FGF14: variants seen among roughly 807,000 people sequenced by gnomAD.
FGF14 encodes the protein fibroblast growth factor 14, also known as fibroblast growth factor homologous factor 4.
In FGF14, 5 loss-of-function variants were observed where a neutral mutation model predicts 25.5. That is an observed-to-expected ratio of 0.20 (90% CI 0.10 to 0.41). The LOEUF (loss-of-function observed/expected upper bound fraction) is 0.41. FGF14 is among the 10% of genes least tolerant of loss of function. FGF14 has a pLI of 1.00. For synonymous variants in FGF14, 138 were observed against 118.3 expected (o/e 1.17, Z -1.08); for missense variants, 222 against 320.1 (o/e 0.69, Z 2.34).
At chr13:102,325,854 C>T (rs1312998822) in intron 1 of FGF14, among the ~76,000 whole-genome samples, 1 of 152,156 alleles carries the variant, frequency 6.6e-6, no homozygotes, top group African/African-American at 2.4e-5. Flanking sequence ...CATCTGTTCA[C>T]TGGTGTACTC....
At chr13:102,039,415 T>C (rs1325019267) in intron 1 of FGF14, among the ~76,000 whole-genome samples, 1 of 152,020 alleles carries the variant, frequency 6.6e-6, no homozygotes, top group African/African-American at 2.4e-5. Flanking sequence ...CATTCATTGT[T>C]TCATAGTTCT....
intron 1 of FGF14, among the ~76,000 whole-genome samples, chr13:102,103,142 A>G (rs1307994862): frequency 6.6e-6 from 1 of 152,236 alleles, no homozygotes; most frequent in Admixed American, 6.5e-5. Context: ...GACAGAAAGA[A>G]TAAGTAAAGG....
chr13:102,399,939 C>T (rs1035528003), intron 1 of FGF14, among the ~76,000 whole-genome samples: 4 of 152,154 alleles, frequency 2.6e-5, no homozygotes, highest in African/African-American at 9.7e-5. Context: ...CTTCTCCGCC[C>T]CAGCATAGGA....
chr13:101,799,682 T>C (rs9518559), intron 3 of FGF14, among the ~76,000 whole-genome samples: 139,311 of 152,128 alleles, frequency 0.92, 64,992 homozygotes, highest in East Asian at 1. Context: ...CTGCTCTACC[T>C]GGCAGACCCT....
chr13:102,127,552 T>C (rs2046000589), intron 1 of FGF14, among the ~76,000 whole-genome samples: 1 of 152,238 alleles, frequency 6.6e-6, no homozygotes. Flanking sequence ...AGGATTTGTA[T>C]AACTTTTACT....
intron 3 of FGF14, among the ~76,000 whole-genome samples, chr13:101,784,803 T>A (rs926173770): frequency 1.3e-5 from 2 of 152,170 alleles, no homozygotes; most frequent in Non-Finnish European, 2.9e-5. Flanking sequence ...CATACACTGT[T>A]GAATGAATTA....
intron 1 of FGF14, among the ~76,000 whole-genome samples, chr13:101,940,585 C>A (rs1178880825): frequency 6.6e-6 from 1 of 152,208 alleles, no homozygotes; most frequent in African/African-American, 2.4e-5. Context: ...TACTCCATAT[C>A]ACCTCCTCAG....
chr13:101,924,450 T>A (rs1044939813), intron 1 of FGF14, among the ~76,000 whole-genome samples: 4 of 152,272 alleles, frequency 2.6e-5, no homozygotes, highest in Non-Finnish European at 4.4e-5. Context: ...GTGATTTTTT[T>A]AAAAAAGCCA....
At chr13:102,146,697 T>C (rs1594141302) in intron 1 of FGF14, among the ~76,000 whole-genome samples, 1 of 152,170 alleles carries the variant, frequency 6.6e-6, no homozygotes, top group African/African-American at 2.4e-5. Flanking sequence ...TACATCATGA[T>C]ACTTAGATAA....
intron 1 of FGF14, among the ~76,000 whole-genome samples, chr13:102,192,312 T>C (rs2049158195): frequency 6.6e-6 from 1 of 152,162 alleles, no homozygotes; most frequent in Non-Finnish European, 1.5e-5. Context: ...TTAGTTCAAA[T>C]TGACAGTGTT....
At chr13:101,785,418 TAATA>T (rs200573595) in intron 3 of FGF14, among the ~76,000 whole-genome samples, 1,895 of 150,580 alleles carry the variant, frequency 0.013, 16 homozygotes, top group Non-Finnish European at 0.017. Flanking sequence ...TTTTCTATAT[TAATA>T]AATAAAGAAA....
chr13:101,876,970 G>T (rs1043175536), intron 1 of FGF14, among the ~76,000 whole-genome samples: 4 of 152,028 alleles, frequency 2.6e-5, no homozygotes, highest in Non-Finnish European at 4.4e-5. Flanking sequence ...ACATGAAAAA[G>T]AGAATTTTTT....
Position 102,400,375 on chromosome 13 carries a change from C to G in FGF14, c.208+1096G>C, listed in dbSNP as rs946399682. 2.0e-5 allele frequency among the ~76,000 whole-genome samples: 3 copies of G among 152,196 alleles called. No individual in the cohort carries two copies. The highest frequency in any genetic ancestry group is 7.2e-5 in the African/African-American group (3 of 41,456). The stretch of plus-strand genomic sequence containing the variant: ...AACCCCAGACAAAAACAGCCGGCCC[C>G]GGGTCCCTCTCCACCCTGAACGGAG... On this transcript the variant is annotated intron_variant, in intron 1 of 4. Transcript: ENST00000376131. The surrounding 1 kb of genome is among the most constrained non-coding windows in gnomAD (Gnocchi z 4.3).
chr13:102,099,326 T>G (rs1245783136), intron 1 of FGF14, among the ~76,000 whole-genome samples: 1 of 152,210 alleles, frequency 6.6e-6, no homozygotes, highest in Non-Finnish European at 1.5e-5. Flanking sequence ...GGTATTTACG[T>G]GCAGAGAAAC....
intron 1 of FGF14, among the ~76,000 whole-genome samples, chr13:102,154,841 A>T (rs2047252824): frequency 6.6e-6 from 1 of 152,048 alleles, no homozygotes; most frequent in African/African-American, 2.4e-5. Flanking sequence ...AAATGGAAAA[A>T]AAAAAGGCAG....
At chr13:102,026,204 T>C (rs896967991) in intron 1 of FGF14, among the ~76,000 whole-genome samples, 1 of 152,034 alleles carries the variant, frequency 6.6e-6, no homozygotes, top group Non-Finnish European at 1.5e-5. Context: ...GAGCATGCTA[T>C]ATTTTGTTCT....
chr13:102,077,503 A>G (rs936972803), intron 1 of FGF14, among the ~76,000 whole-genome samples: 2 of 152,216 alleles, frequency 1.3e-5, no homozygotes, highest in Non-Finnish European at 2.9e-5. Context: ...TATCTCTCAA[A>G]AGGAGATACA....
chr13:101,887,958 G>A (rs189114529), intron 1 of FGF14, among the ~76,000 whole-genome samples: 2 of 152,242 alleles, frequency 1.3e-5, no homozygotes, highest in African/African-American at 4.8e-5. Context: ...GGAAAGCTTT[G>A]GAGAGAAAGT....
At chr13:102,015,089 G>C (rs2040270003) in intron 1 of FGF14, among the ~76,000 whole-genome samples, 2 of 152,154 alleles carry the variant, frequency 1.3e-5, no homozygotes, top group African/African-American at 4.8e-5. Context: ...TGTATTCTTA[G>C]TAGAGATGGG....
Sources: allele counts gnomAD v4.1 joint callset (sites outside exome capture counted in the v4.1 genomes callset), GRCh38; gene constraint gnomAD v4.1.1; non-coding constraint Gnocchi (gnomAD v3.1); transcripts MANE v1.5; gene names NCBI Gene and HGNC (gene_info 2026-07-23, HGNC 2026-07-21).